MYO1D: variants seen among roughly 807,000 people sequenced by gnomAD.
MYO1D encodes unconventional myosin-Id.
Under a neutral mutation model 122.0 loss-of-function variants are expected in MYO1D, and 83 were observed. The observed-to-expected ratio is 0.68, with a 90% confidence interval of 0.57 to 0.82. The LOEUF (loss-of-function observed/expected upper bound fraction) is 0.82, where lower values mean the gene tolerates loss of function less well. Ranked by LOEUF, MYO1D falls within the 40% of genes least tolerant of loss-of-function variation. The pLI, the probability that MYO1D is intolerant of heterozygous loss-of-function variation, is 0.00. For synonymous variants in MYO1D, 464 were observed against 446.9 expected, an observed-to-expected ratio of 1.04 and a Z score of -0.48; for missense variants, 1,157 against 1,269.5, an observed-to-expected ratio of 0.91 and a Z score of 1.35.
chr17:32,848,593 T>A (rs1470101742), intron 1 of MYO1D, among the ~76,000 whole-genome samples: 1 of 152,248 alleles, frequency 6.6e-6, no homozygotes, highest in African/African-American at 2.4e-5. Context: ...AGGCCATTAG[T>A]GGGCTTGAGG....
chr17:32,604,954 G>C (rs1306699586), intron 21 of MYO1D, 133 bp downstream of exon 21: 2 of 835,676 alleles, frequency 2.4e-6, no homozygotes, highest in Non-Finnish European at 3.4e-6. Context: ...CTGCGAAACA[G>C]ATGATTTAAG....
chr17:32,584,718 C>T (rs781106327), intron 21 of MYO1D, among the ~76,000 whole-genome samples: 2 of 152,132 alleles, frequency 1.3e-5, no homozygotes, highest in Non-Finnish European at 2.9e-5. Context: ...TGGTCTCAAA[C>T]TCCTGATCCT....
intron 21 of MYO1D, among the ~76,000 whole-genome samples, chr17:32,602,927 C>G (rs2087579342): frequency 1.3e-5 from 2 of 151,934 alleles, no homozygotes; most frequent in Admixed American, 6.6e-5. Flanking sequence ...TCAAATTAAC[C>G]TTTTCCCAAA....
chr17:32,564,786 A>T (rs771278957), intron 21 of MYO1D, among the ~76,000 whole-genome samples: 14 of 152,150 alleles, frequency 9.2e-5, no homozygotes, highest in Non-Finnish European at 2.1e-4. Context: ...TGAGGCTCCA[A>T]GCCATGTGGT....
At chr17:32,750,814 A>G (rs2089891462) in intron 11 of MYO1D, among the ~76,000 whole-genome samples, 1 of 152,184 alleles carries the variant, frequency 6.6e-6, no homozygotes. Context: ...GACTTCTTTA[A>G]TAATTACTTA....
chr17:32,871,784 G>A (rs114358651), intron 1 of MYO1D, among the ~76,000 whole-genome samples: 2,128 of 152,282 alleles, frequency 0.014, 44 homozygotes, highest in African/African-American at 0.047. Flanking sequence ...TAAGGAGCAC[G>A]CCGAGGAGCA....
chr17:32,756,682 A>C (rs2151013938), intron 10 of MYO1D, among the ~76,000 whole-genome samples: 1 of 152,276 alleles, frequency 6.6e-6, no homozygotes, highest in East Asian at 1.9e-4. Context: ...CTTCAATAGA[A>C]TTTTGAACAA....
chr17:32,825,745 A>G (rs1361589296), intron 1 of MYO1D, among the ~76,000 whole-genome samples: 1 of 152,172 alleles, frequency 6.6e-6, no homozygotes, highest in Non-Finnish European at 1.5e-5. Flanking sequence ...TGCTATAAAA[A>G]TGTTTACCAT....
chr17:32,822,499 G>GCACGCGCCGCTTCTTCGGTT (rs369100763), intron 1 of MYO1D, among the ~76,000 whole-genome samples: 1 of 111,946 alleles, frequency 8.9e-6, no homozygotes, highest in African/African-American at 2.6e-5. Context: ...TCCCCGGTCG[G>GCACGCGCCGCTTCTTCGGTT]CGCGCCGCTT....
rs535247416 is a variant in MYO1D, at chr17:32,496,702, T to C, written c.2865-1787A>G. 6.6e-5 allele frequency among the ~76,000 whole-genome samples: 10 copies of C among 152,282 alleles called. No individual in the cohort carries two copies. In the East Asian group the frequency reaches 9.7e-4, roughly 15 times the overall value. On this transcript the variant is annotated intron_variant, in intron 21 of 21. Coordinates refer to ENST00000318217, the MANE Select transcript of MYO1D (RefSeq NM_015194.3). Reference sequence around the variant, plus strand: ...GCGTTGGGTCCCTCTCACTGGACTCTTGTCCTCTGGGAGCCTCCCTCCTGA... The same window carrying C: ...GCGTTGGGTCCCTCTCACTGGACTCCTGTCCTCTGGGAGCCTCCCTCCTGA...
At chr17:32,827,717 T>C (rs1598134595) in intron 1 of MYO1D, among the ~76,000 whole-genome samples, 1 of 152,186 alleles carries the variant, frequency 6.6e-6, no homozygotes, top group African/African-American at 2.4e-5. Context: ...TCATTAAGTT[T>C]AAAGGCAAAC....
chr17:32,749,162 T>A (rs1430076590), intron 11 of MYO1D, among the ~76,000 whole-genome samples, 156 bp from the exon 12 acceptor site: 1 of 152,258 alleles, frequency 6.6e-6, no homozygotes, highest in African/African-American at 2.4e-5. Flanking sequence ...TTATAAAGAC[T>A]AAACTTTCAC....
intron 16 of MYO1D, among the ~76,000 whole-genome samples, chr17:32,707,507 A>C (rs1262293293): frequency 6.6e-6 from 1 of 152,182 alleles, no homozygotes; most frequent in Non-Finnish European, 1.5e-5. Context: ...TGAAGGCACC[A>C]GTATGGAAGG....
intron 16 of MYO1D, among the ~76,000 whole-genome samples, chr17:32,685,208 GA>G (rs2088988650): frequency 1.3e-5 from 2 of 151,882 alleles, no homozygotes; most frequent in Non-Finnish European, 2.9e-5. Flanking sequence ...TGAGAGGGAA[GA>G]AAAAAAATTA....
At chr17:32,530,525 G>C (rs1910476182) in intron 21 of MYO1D, among the ~76,000 whole-genome samples, 2 of 152,238 alleles carry the variant, frequency 1.3e-5, no homozygotes, top group African/African-American at 4.8e-5. Context: ...GAAAGGCTTA[G>C]TGCAGTAGCT....
chr17:32,667,478 A>G (rs2088652551), intron 16 of MYO1D, among the ~76,000 whole-genome samples: 1 of 152,244 alleles, frequency 6.6e-6, no homozygotes, highest in East Asian at 1.9e-4. Context: ...CGTTTTACAG[A>G]TAAATTAATA....
chr17:32,564,010 T>G (rs2150891935), intron 21 of MYO1D, among the ~76,000 whole-genome samples: 1 of 152,376 alleles, frequency 6.6e-6, no homozygotes, highest in Middle Eastern at 3.4e-3. Flanking sequence ...AAAATCTCTT[T>G]GCTGAAATTT....
chr17:32,573,611 C>T (rs2087250836), intron 21 of MYO1D, among the ~76,000 whole-genome samples: 3 of 152,102 alleles, frequency 2.0e-5, no homozygotes, highest in Non-Finnish European at 4.4e-5. Context: ...CCTCGAACTC[C>T]TGGGCTCAAG....
At chr17:32,531,854 T>C (rs1278935689) in intron 21 of MYO1D, among the ~76,000 whole-genome samples, 1 of 152,210 alleles carries the variant, frequency 6.6e-6, no homozygotes, top group Non-Finnish European at 1.5e-5. Flanking sequence ...TGGGACAACA[T>C]TTAAGCTTCT....
Sources: allele counts gnomAD v4.1 joint callset (sites outside exome capture counted in the v4.1 genomes callset), GRCh38; gene constraint gnomAD v4.1.1; transcripts MANE v1.5; gene names NCBI Gene and HGNC (gene_info 2026-07-23, HGNC 2026-07-21).